Variants in KRT19 observed in about 807,000 individuals in gnomAD.
KRT19 encodes the protein keratin 19.
KRT19 carries 21 observed loss-of-function variants against 34.6 expected under a neutral mutation model. The ratio of observed to expected loss-of-function variants is 0.61; its 90% confidence interval spans 0.43 to 0.87. The LOEUF is 0.87. Ranked by LOEUF, KRT19 falls within the 40% of genes least tolerant of loss-of-function variation. The pLI is 0.00. For synonymous variants in KRT19, 240 were observed against 245.8 expected (o/e 0.98, Z 0.22); for missense variants, 514 against 545.7 (o/e 0.94, Z 0.58).
intron 3 of KRT19, 106 bp from the exon 4 acceptor site, chr17:41,524,646 C>A: frequency 7.4e-7 from 1 of 1,352,202 alleles, no homozygotes. Context: ...TTTTCAGGTG[C>A]AGGCCTAGTA....
rs1265727039 is a variant in KRT19 at position 41,524,376 on chromosome 17, T to G, written c.822+3A>C. 6.2e-7 allele frequency: 1 copy of G among 1,614,062 alleles called. No homozygotes were observed. The highest frequency in any genetic ancestry group is 1.1e-5 in the South Asian group (1 of 91,086). On this transcript the variant is annotated splice_donor_region_variant and intron_variant, in intron 4 of 5. Coordinates refer to ENST00000361566, the MANE Select transcript of KRT19 (RefSeq NM_002276.5). ...CAAAGGGTGCCTGCTTCCCTCTACCTACCCGGCTGGTGAACCAGGCTTCAG... is the reference window on the plus strand; with the variant it reads ...CAAAGGGTGCCTGCTTCCCTCTACCGACCCGGCTGGTGAACCAGGCTTCAG...
In KRT19 at chr17:41,528,305, G is replaced by C; in HGVS notation, c.-58C>G. 1 of 1,472,088 alleles carries C rather than the reference G, an allele frequency of 6.8e-7. No individual in the cohort carries two copies. Among genetic ancestry groups the C allele is most frequent in the Non-Finnish European group, 8.9e-7 (1 of 1,119,640 alleles). The allele number at this position is 1,472,088 out of a possible 1,614,324, so 91.2% of individuals were successfully genotyped here. A position where few individuals can be genotyped will look rare whatever the true frequency, so the allele number is the denominator to read the frequency against. On this transcript the variant is annotated 5_prime_UTR_variant, in exon 1 of 6. Coordinates refer to ENST00000361566, the MANE Select transcript of KRT19 (RefSeq NM_002276.5). ...TCTCAGAAGCTGCGATTCGCGGGAG[G>C]AGCGGCGAGGCCCTCACCTGGCGCC...
chr17:41,524,472 G>A lies in KRT19; in HGVS notation c.729C>T (p.Thr243=), dbSNP rs370294739. 34 of 1,614,012 alleles carry A rather than the reference G, an allele frequency of 2.1e-5. No homozygotes were observed. Among genetic ancestry groups the A allele is most frequent in the Admixed American group, 6.7e-5 (4 of 60,008 alleles). The change falls in exon 4 of 6, where the codon ACC becomes ACT. Residue 243 remains threonine, a synonymous_variant. Transcript: ENST00000361566. ...VSVEVDSAPG[T]DLAKILSDMR... Reference sequence around the variant, plus strand: ...TGTCACTCAGGATCTTGGCGAGATCGGTGCCCGGAGCGGAATCCACCTCCA... The same window carrying A: ...TGTCACTCAGGATCTTGGCGAGATCAGTGCCCGGAGCGGAATCCACCTCCA...
At position 41,526,931 on chromosome 17, in the gene KRT19, T is replaced by C. The variant is rs192248795; in HGVS notation, c.420+897A>G. ...ACTGTTTTTGTTGGCTGTTGACATC[T>C]CTAGCGCTTCCTCCTGGTCTGTGGG... On this transcript the variant is annotated intron_variant, in intron 1 of 5. Coordinates refer to ENST00000361566, the MANE Select transcript of KRT19 (RefSeq NM_002276.5). Among the ~76,000 whole-genome samples the C allele has an allele frequency of 4.8e-3, 736 of 152,342 alleles. 8 individuals are homozygous for C. Among genetic ancestry groups the C allele is most frequent in the African/African-American group, 0.017 (715 of 41,582 alleles).
At chr17:41,526,449 ATTTT>A (rs35664318) in intron 1 of KRT19, among the ~76,000 whole-genome samples, 3 of 146,372 alleles carry the variant, frequency 2.0e-5, no homozygotes. Context: ...TATTGTCGCA[ATTTT>A]TTTTTTTTTT....
rs774046851 is a variant in KRT19 at position 41,528,110 on chromosome 17, G to C, written c.138C>G (p.Ser46=). Residue 46 remains serine, a synonymous_variant, in exon 1 of 6, where the codon TCC becomes TCG. Coordinates refer to ENST00000361566, the MANE Select transcript of KRT19 (RefSeq NM_002276.5). ...AGGACACAAAGCGGGCGGAGGACAC[G>C]GATACGCCGCGGCCGCCGGAGCCCC... ...IHGGSGGRGV[S]VSSARFVSSS... is the part of the protein sequence containing the mutation. 6.8e-6 allele frequency: 11 copies of C among 1,609,418 alleles called. No homozygotes were observed. In the Admixed American group the frequency reaches 1.3e-4, roughly 20 times the overall value.
chr17:41,526,921 T>C (rs895022804), intron 1 of KRT19, among the ~76,000 whole-genome samples: 2 of 152,212 alleles, frequency 1.3e-5, no homozygotes, highest in African/African-American at 4.8e-5. Context: ...TTTTGTTGGC[T>C]GTTGACATCT....
chr17:41,527,155 G>GCAGATCCGTTCTTTCCC (rs3837871), intron 1 of KRT19, among the ~76,000 whole-genome samples: 88,539 of 151,682 alleles, frequency 0.58, 27,279 homozygotes, highest in East Asian at 0.92. Flanking sequence ...AGCGTGTGAC[G>GCAGATCCGTTCTTTCCC]CAGATCCGTT....
chr17:41,528,295 T>C lies in KRT19; in HGVS notation c.-48A>G. 1 of 1,481,738 alleles carries C rather than the reference T, an allele frequency of 6.7e-7. No individual in the cohort carries two copies. Among genetic ancestry groups the C allele is most frequent in the Non-Finnish European group, 8.9e-7 (1 of 1,126,200 alleles). The allele number at this position is 1,481,738 out of a possible 1,614,324, so 91.8% of individuals were successfully genotyped here. A position where few individuals can be genotyped will look rare whatever the true frequency, so the allele number is the denominator to read the frequency against. On this transcript the variant is annotated 5_prime_UTR_variant, in exon 1 of 6. Transcript: ENST00000361566. The stretch of plus-strand genomic sequence containing the variant: ...GCAACCCTGGTCTCAGAAGCTGCGA[T>C]TCGCGGGAGGAGCGGCGAGGCCCTC...
At chr17:41,525,625 C>A (rs1045216484) in intron 1 of KRT19, 33 of 258,624 alleles carry the variant, frequency 1.3e-4, no homozygotes, top group Admixed American at 4.9e-4. Flanking sequence ...CTGCCCCCCC[C>A]ACTATGCGAA....
chr17:41,525,624 C>A lies in KRT19; in HGVS notation c.421-351G>T, dbSNP rs116294705. 3.6e-4 allele frequency: 93 copies of A among 257,808 alleles called. 1 individual carries two copies. The highest frequency in any genetic ancestry group is 1.9e-3 in the African/African-American group (88 of 45,168). 16.0% of individuals were successfully genotyped at this position (257,808 alleles called of 1,614,324 possible). ...TAGATTTTGTCTATACCTGCCCCCC[C>A]CACTATGCGAAGCATATTTTGCCCC... On this transcript the variant is annotated intron_variant, in intron 1 of 5. Transcript: ENST00000361566.
chr17:41,525,073 T>A, intron 2 of KRT19, 74 bp from the exon 3 acceptor site: 1 of 1,592,482 alleles, frequency 6.3e-7, no homozygotes, highest in Non-Finnish European at 8.6e-7. Flanking sequence ...TCCCCAGAGT[T>A]CAGGAGTCCA....
Position 41,524,367 on chromosome 17 carries a change from C to T in KRT19, c.822+12G>A, listed in dbSNP as rs1485610331. On this transcript the variant is annotated intron_variant, in intron 4 of 5. Transcript: ENST00000361566. ...CCTAACCCCCAAAGGGTGCCTGCTT[C>T]CCTCTACCTACCCGGCTGGTGAACC... 3 of 1,614,078 alleles carry T rather than the reference C, an allele frequency of 1.9e-6. No homozygotes were observed. The highest frequency in any genetic ancestry group is 1.1e-5 in the South Asian group (1 of 91,086).
In KRT19 at chr17:41,528,188, G is replaced by C; in HGVS notation, c.60C>G (p.Gly20=). ...CCCCCGGCCCAAAACGCACGGAGCC[G>C]CCGCCCAGGCCTCCGAAGGACGACG... The part of the protein sequence containing the change: ...SATSSFGGLG[G]GSVRFGPGVA... The change falls in exon 1 of 6, where the codon GGC becomes GGG. Residue 20 remains glycine, a synonymous_variant. Transcript: ENST00000361566. The C allele has an allele frequency of 6.3e-7, 1 of 1,587,912 alleles. No homozygotes were observed. Among genetic ancestry groups the C allele is most frequent in the Non-Finnish European group, 8.5e-7 (1 of 1,174,208 alleles).
rs1475900172 is a variant in KRT19, at chr17:41,524,379, C to G, written c.822G>C (p.Arg274=). The G allele has an allele frequency of 6.2e-7, 1 of 1,614,162 alleles. No homozygotes were observed. Among genetic ancestry groups the G allele is most frequent in the East Asian group, 2.2e-5 (1 of 44,878 alleles). Residue 274 remains arginine (R), a splice_region_variant and synonymous_variant, in exon 4 of 6, where the codon CGG becomes CGC. Coordinates refer to ENST00000361566, the MANE Select transcript of KRT19 (RefSeq NM_002276.5). ...RKDAEAWFTS[R]TEELNREVAG... is the part of the protein sequence containing the mutation. ...AGGGTGCCTGCTTCCCTCTACCTACCCGGCTGGTGAACCAGGCTTCAGCAT... is the reference window on the plus strand; with the variant it reads ...AGGGTGCCTGCTTCCCTCTACCTACGCGGCTGGTGAACCAGGCTTCAGCAT...
At position 41,523,810 on chromosome 17, in the gene KRT19, G is replaced by A; in HGVS notation, c.1136C>T (p.Thr379Ile). The A allele has an allele frequency of 6.2e-7, 1 of 1,613,864 alleles. No individual in the cohort carries two copies. Among genetic ancestry groups the A allele is most frequent in the Non-Finnish European group, 8.5e-7 (1 of 1,179,950 alleles). Residue 379 changes from threonine to isoleucine, a missense_variant, in exon 6 of 6, where the codon ACC becomes ATC. By Grantham distance (89) the Thr-to-Ile change is moderately conservative. Transcript: ENST00000361566. ...CTGTCCCTCGAGCAGGCTGCGGTAG[G>A]TGGCAATCTCCTGCTCCAGCCGCGA... ...IKSRLEQEIA[T>I]YRSLLEGQED...
Position 41,523,986 on chromosome 17 carries a change from C to T in KRT19, c.960G>A (p.Leu320=). 1.2e-6 allele frequency: 2 copies of T among 1,610,644 alleles called. No homozygotes were observed. Among genetic ancestry groups the T allele is most frequent in the Non-Finnish European group, 8.5e-7 (1 of 1,177,256 alleles). ...CCTCCGTTTCTGCCAGTGTGTCTTC[C>T]AAGGCAGCTTTCTGAGGATAGGGAG... ...LQSQLSMKAA[L]EDTLAETEAR... is the part of the protein sequence containing the mutation. Residue 320 remains leucine (L), a synonymous_variant, in exon 6 of 6, where the codon TTG becomes TTA. Coordinates refer to ENST00000361566, the MANE Select transcript of KRT19 (RefSeq NM_002276.5).
At position 41,523,829 on chromosome 17, in the gene KRT19, G is replaced by C; in HGVS notation, c.1117C>G (p.Leu373Val). The C allele has an allele frequency of 6.2e-7, 1 of 1,613,952 alleles. No homozygotes were observed. Among genetic ancestry groups the C allele is most frequent in the Non-Finnish European group, 8.5e-7 (1 of 1,179,988 alleles). Residue 373 changes from leucine to valine, a missense_variant, in exon 6 of 6, where the codon CTG (leucine) becomes GTG (valine). Transcript: ENST00000361566. ...CGGTAGGTGGCAATCTCCTGCTCCA[G>C]CCGCGACTTGATGTCCATGAGCCGC... ...YQRLMDIKSR[L>V]EQEIATYRSL...
chr17:41,524,396 C>T lies in KRT19; in HGVS notation c.805G>A (p.Ala269Thr). ...MAEQNRKDAEAWFTSRTEELN... is the reference protein window; with the variant it reads ...MAEQNRKDAETWFTSRTEELN... Reference sequence around the variant, plus strand: ...CTACCTACCCGGCTGGTGAACCAGGCTTCAGCATCCTTCCGGTTCTGCTCG... The same window carrying T: ...CTACCTACCCGGCTGGTGAACCAGGTTTCAGCATCCTTCCGGTTCTGCTCG... The change falls in exon 4 of 6, where the codon GCC becomes ACC. Residue 269 changes from alanine to threonine, a missense_variant. Transcript: ENST00000361566. 5 of 1,614,206 alleles carry T rather than the reference C, an allele frequency of 3.1e-6. No individual in the cohort carries two copies. The highest frequency in any genetic ancestry group is 4.2e-6 in the Non-Finnish European group (5 of 1,180,018).
Sources: gnomAD v4.1 joint callset for allele counts (sites outside exome capture counted in the v4.1 genomes callset) on GRCh38, gnomAD v4.1.1 for gene constraint, MANE v1.5 for transcripts, NCBI Gene and HGNC (gene_info 2026-07-23, HGNC 2026-07-21) for gene names.